ISM1: variants seen among roughly 807,000 people sequenced by gnomAD.
The protein encoded by ISM1 is isthmin 1, also known as isthmin-1.
Under a neutral mutation model 46.3 loss-of-function variants are expected in ISM1, and 25 were observed. That is an observed-to-expected ratio of 0.54 (90% CI 0.39 to 0.75). The LOEUF (loss-of-function observed/expected upper bound fraction) is 0.75, where lower values mean the gene tolerates loss of function less well. Ranked by LOEUF, ISM1 falls within the 30% of genes least tolerant of loss-of-function variation. ISM1 has a pLI of 0.00. For synonymous variants in ISM1, 255 were observed against 256.7 expected (o/e 0.99, Z 0.06); for missense variants, 536 against 625.4 (o/e 0.86, Z 1.52).
chr20:13,255,172 A>C (rs887463141), intron 1 of ISM1, among the ~76,000 whole-genome samples: 1 of 152,256 alleles, frequency 6.6e-6, no homozygotes, highest in African/African-American at 2.4e-5. Context: ...TGATCAGGGA[A>C]GTCCTCTCTC....
At chr20:13,260,506 G>A (rs980482964) in intron 1 of ISM1, among the ~76,000 whole-genome samples, 9 of 152,146 alleles carry the variant, frequency 5.9e-5, no homozygotes, top group African/African-American at 2.2e-4. Context: ...AGTCATTGCA[G>A]ATAGAATCTA....
chr20:13,284,605 G>A (rs554282450), intron 3 of ISM1, among the ~76,000 whole-genome samples: 54 of 152,308 alleles, frequency 3.5e-4, no homozygotes, highest in East Asian at 7.7e-4. Context: ...AGAAATGCCC[G>A]TTCTGTTCTT....
chr20:13,255,275 G>A (rs550855834), intron 1 of ISM1, among the ~76,000 whole-genome samples: 1 of 152,230 alleles, frequency 6.6e-6, no homozygotes, highest in East Asian at 1.9e-4. Flanking sequence ...TTGAAAAAAT[G>A]GATAAAATGC....
chr20:13,248,957 T>A (rs1363003497), intron 1 of ISM1, among the ~76,000 whole-genome samples: 1 of 152,216 alleles, frequency 6.6e-6, no homozygotes, highest in African/African-American at 2.4e-5. Flanking sequence ...TGTAACTTCT[T>A]AAGCGGCTTG....
intron 1 of ISM1, among the ~76,000 whole-genome samples, chr20:13,252,235 G>T (rs1427981558): frequency 6.6e-6 from 1 of 152,210 alleles, no homozygotes; most frequent in Non-Finnish European, 1.5e-5. Flanking sequence ...TGCAGCTCAG[G>T]AAGTTATGCT....
intron 5 of ISM1, among the ~76,000 whole-genome samples, chr20:13,297,830 C>T (rs563050597): frequency 6.6e-6 from 1 of 152,176 alleles, no homozygotes; most frequent in Non-Finnish European, 1.5e-5. Context: ...CACAACCCTT[C>T]TGGGGGTAGA....
intron 1 of ISM1, among the ~76,000 whole-genome samples, chr20:13,269,934 AGGAT>A (rs60897306): frequency 4.4e-4 from 66 of 149,908 alleles, no homozygotes; most frequent in African/African-American, 9.8e-4. Flanking sequence ...TGTGGGTGGA[AGGAT>A]GGATGGATGG....
At chr20:13,277,637 C>T (rs562297612) in intron 2 of ISM1, among the ~76,000 whole-genome samples, 1 of 137,252 alleles carries the variant, frequency 7.3e-6, no homozygotes, top group Non-Finnish European at 1.5e-5. Flanking sequence ...TTTCTTCCCC[C>T]CTACCCTTTT....
chr20:13,299,527 C>T lies in ISM1; in HGVS notation c.*68C>T. On this transcript the variant is annotated 3_prime_UTR_variant, in exon 6 of 6. Transcript: ENST00000262487. This position sits in a 1 kb window ranked among gnomAD's most constrained non-coding sequence, Gnocchi z 5.8. ...GCACACACGTGCTGCACTGACGTGC[C>T]GACTGGCGCCGAGACCTTCATAGCT... 2 of 1,400,848 alleles carry T rather than the reference C, an allele frequency of 1.4e-6. No individual in the cohort carries two copies. Among genetic ancestry groups the T allele is most frequent in the Non-Finnish European group, 1.9e-6 (2 of 1,031,244 alleles). The allele number at this position is 1,400,848 out of a possible 1,614,324, so 86.8% of individuals were successfully genotyped here.
chr20:13,314,946 G>T, the ISM1 span, among the ~76,000 whole-genome samples: 1 of 152,058 alleles, frequency 6.6e-6, no homozygotes, highest in East Asian at 1.9e-4. Flanking sequence ...CCATGAAGTG[G>T]TACAGTGTTA....
At chr20:13,255,599 G>T (rs548545429) in intron 1 of ISM1, among the ~76,000 whole-genome samples, 4 of 152,252 alleles carry the variant, frequency 2.6e-5, no homozygotes, top group African/African-American at 9.6e-5. Context: ...GGGAAGGAAA[G>T]ACTTTGCAGG....
chr20:13,222,510 G>T (rs552778745), intron 1 of ISM1, among the ~76,000 whole-genome samples: 2 of 151,952 alleles, frequency 1.3e-5, no homozygotes, highest in Admixed American at 1.3e-4. Flanking sequence ...CTCCCCCCTT[G>T]TGCCCCCTTG....
chr20:13,321,438 T>C, the ISM1 span, among the ~76,000 whole-genome samples: 2,132 of 152,132 alleles, frequency 0.014, 47 homozygotes, highest in African/African-American at 0.049. Flanking sequence ...TAAGAGGGGA[T>C]TGTCGCTTGG....
At chr20:13,298,549 A>G (rs17191018) in intron 5 of ISM1, among the ~76,000 whole-genome samples, 7,550 of 152,308 alleles carry the variant, frequency 0.05, 258 homozygotes, top group South Asian at 0.19. Context: ...GGGTGACATT[A>G]TATATTTCCA....
At chr20:13,260,448 G>A (rs558949231) in intron 1 of ISM1, among the ~76,000 whole-genome samples, 1 of 152,326 alleles carries the variant, frequency 6.6e-6, no homozygotes, top group African/African-American at 2.4e-5. Flanking sequence ...GTTTTACCCA[G>A]CTTTGAGCTA....
chr20:13,253,841 TA>T (rs869106383), intron 1 of ISM1, among the ~76,000 whole-genome samples: 4 of 142,866 alleles, frequency 2.8e-5, no homozygotes, highest in African/African-American at 1.1e-4. Flanking sequence ...AAAATTAAAA[TA>T]ACACATACAC....
chr20:13,280,845 A>AT (rs1216986690), intron 3 of ISM1, among the ~76,000 whole-genome samples: 1 of 152,156 alleles, frequency 6.6e-6, no homozygotes, highest in African/African-American at 2.4e-5. Flanking sequence ...ATCTGGCCAG[A>AT]TTTTGTGGGG....
rs1021332293 is a variant in ISM1, at chr20:13,221,365, C to T, written c.-412C>T. On this transcript the variant is annotated 5_prime_UTR_variant, in exon 1 of 6. Coordinates refer to ENST00000262487, the MANE Select transcript of ISM1 (RefSeq NM_080826.2). Reference sequence around the variant, plus strand: ...TGGGGCGCCCATGTGCGCTCGGGGGCTCGGCTGCGCCCGCCCCGCCGCCGA... The same window carrying T: ...TGGGGCGCCCATGTGCGCTCGGGGGTTCGGCTGCGCCCGCCCCGCCGCCGA... Among the ~76,000 whole-genome samples the T allele has an allele frequency of 1.3e-5, 2 of 148,250 alleles. No individual in the cohort carries two copies. Among genetic ancestry groups the T allele is most frequent in the Admixed American group, 1.3e-4 (2 of 14,980 alleles).
intron 1 of ISM1, among the ~76,000 whole-genome samples, chr20:13,255,925 GTT>G (rs73615551): frequency 0.01 from 1,507 of 148,022 alleles, 27 homozygotes; most frequent in African/African-American, 0.035. Flanking sequence ...AGTTCCTGGG[GTT>G]TTTTTTTTTG....
Sources: allele counts gnomAD v4.1 joint callset (sites outside exome capture counted in the v4.1 genomes callset), GRCh38; gene constraint gnomAD v4.1.1; non-coding constraint Gnocchi (gnomAD v3.1); transcripts MANE v1.5; gene names NCBI Gene and HGNC (gene_info 2026-07-23, HGNC 2026-07-21).